APP: variants seen among roughly 807,000 people sequenced by gnomAD.
APP encodes the protein amyloid-beta precursor protein.
A neutral mutation model predicts 101.4 loss-of-function variants in APP; 31 were observed. The ratio of observed to expected loss-of-function variants is 0.31; its 90% confidence interval spans 0.23 to 0.41. The LOEUF (loss-of-function observed/expected upper bound fraction) is 0.41, where lower values mean the gene tolerates loss of function less well. Ranked by LOEUF, APP falls within the 10% of genes least tolerant of loss-of-function variation. The pLI, the probability that APP is intolerant of heterozygous loss-of-function variation, is 1.00. For synonymous variants in APP, 366 were observed against 364.4 expected (o/e 1.00, Z -0.05); for missense variants, 839 against 1,003.7 (o/e 0.84, Z 2.22).
chr21:25,884,299 CCAATGACAGACCT>C (rs2037182699), intron 17 of APP, among the ~76,000 whole-genome samples: 1 of 152,178 alleles, frequency 6.6e-6, no homozygotes, highest in African/African-American at 2.4e-5. Flanking sequence ...TCAGCTTACT[CCAATGACAGACCT>C]AGGCATCTCC....
At chr21:26,001,929 C>G (rs2146686615) in intron 6 of APP, among the ~76,000 whole-genome samples, 3 of 48,962 alleles carry the variant, frequency 6.1e-5, no homozygotes, top group Middle Eastern at 0.027. Flanking sequence ...AGACCCAATT[C>G]ACTTTTAATA....
At chr21:26,053,095 G>C (rs2045901972) in intron 4 of APP, 141 bp downstream of exon 4, 2 of 730,032 alleles carry the variant, frequency 2.7e-6, no homozygotes, top group Non-Finnish European at 4.9e-6. Flanking sequence ...ACTAAAATCT[G>C]GGTTACGGAT....
intron 3 of APP, among the ~76,000 whole-genome samples, chr21:26,076,613 T>C (rs888692389): frequency 6.6e-6 from 1 of 152,216 alleles, no homozygotes; most frequent in African/African-American, 2.4e-5. Context: ...ATTTTATATT[T>C]GTATAATCTT....
At chr21:26,166,829 A>G (rs1248779329) in intron 1 of APP, among the ~76,000 whole-genome samples, 1 of 148,774 alleles carries the variant, frequency 6.7e-6, no homozygotes, top group African/African-American at 2.5e-5. Flanking sequence ...CAAATTCCCT[A>G]CTCCTGTTGA....
chr21:26,118,726 T>C (rs2062493365), intron 1 of APP, among the ~76,000 whole-genome samples: 1 of 152,092 alleles, frequency 6.6e-6, no homozygotes, highest in South Asian at 2.1e-4. Context: ...CTAATTTTTG[T>C]ATTTTTTAGT....
At chr21:25,902,873 G>T (rs759927988) in intron 15 of APP, among the ~76,000 whole-genome samples, 73 of 152,082 alleles carry the variant, frequency 4.8e-4, no homozygotes, top group Non-Finnish European at 8.8e-4. Flanking sequence ...TTCAAACCTA[G>T]AAAGAATTTA....
chr21:25,954,744 C>A, intron 12 of APP, 55 bp from the exon 13 acceptor site: 1 of 1,417,260 alleles, frequency 7.1e-7, no homozygotes, highest in Non-Finnish European at 9.9e-7. Context: ...AGGAATGGTT[C>A]TTTTTCTTTC....
chr21:25,977,239 A>T (rs2042257684), intron 9 of APP, among the ~76,000 whole-genome samples: 1 of 152,246 alleles, frequency 6.6e-6, no homozygotes. Context: ...CAAAGAAAAT[A>T]TTAACTTCCT....
intron 4 of APP, among the ~76,000 whole-genome samples, chr21:26,052,405 G>A (rs1327613326): frequency 6.6e-6 from 1 of 152,146 alleles, no homozygotes; most frequent in African/African-American, 2.4e-5. Context: ...CTCAAGTGAA[G>A]CACTATGAGC....
intron 13 of APP, among the ~76,000 whole-genome samples, chr21:25,925,316 T>C (rs752201361): frequency 3.0e-4 from 45 of 152,248 alleles, no homozygotes; most frequent in Non-Finnish European, 4.7e-4. Flanking sequence ...CATCTCTCCA[T>C]GGCCTCTGAA....
intron 9 of APP, among the ~76,000 whole-genome samples, chr21:25,979,615 G>T (rs1473570714): frequency 6.6e-6 from 1 of 152,072 alleles, no homozygotes; most frequent in Admixed American, 6.6e-5. Flanking sequence ...TATATCTGAT[G>T]ACTAAAAGAT....
chr21:26,018,651 A>C (rs535258451), intron 6 of APP, among the ~76,000 whole-genome samples: 1 of 152,308 alleles, frequency 6.6e-6, no homozygotes, highest in East Asian at 1.9e-4. Context: ...ACTTGCCTCA[A>C]TTAGAGCTTT....
intron 16 of APP, among the ~76,000 whole-genome samples, chr21:25,897,247 G>C (rs2038120329): frequency 6.6e-6 from 1 of 152,012 alleles, no homozygotes; most frequent in South Asian, 2.1e-4. Context: ...CCAGCAGCTG[G>C]GACTACAGGT....
At chr21:26,147,581 TTTC>T (rs759763343) in intron 1 of APP, among the ~76,000 whole-genome samples, 3 of 150,580 alleles carry the variant, frequency 2.0e-5, no homozygotes, top group Non-Finnish European at 4.4e-5. Flanking sequence ...TTGTCTACAG[TTTC>T]TTAAGAAGAT....
Position 25,884,872 on chromosome 21 carries a change from A to G in APP, c.2212-3101T>C, listed in dbSNP as rs143011941. Among the ~76,000 whole-genome samples, 303 of 152,334 alleles carry G rather than the reference A, an allele frequency of 2.0e-3. 1 individual carries two copies. Among genetic ancestry groups the G allele is most frequent in the Middle Eastern group, 0.014 (4 of 294 alleles). On this transcript the variant is annotated intron_variant, in intron 17 of 17. Coordinates refer to ENST00000346798, the MANE Select transcript of APP (RefSeq NM_000484.4). Reference sequence around the variant, plus strand: ...TTGCATGCATCAAGGGCAGGGGAACACCTGGCAATTTGATAGGTTTATCTC... The same window carrying G: ...TTGCATGCATCAAGGGCAGGGGAACGCCTGGCAATTTGATAGGTTTATCTC...
intron 17 of APP, among the ~76,000 whole-genome samples, chr21:25,887,817 G>A (rs55786322): frequency 0.38 from 57,427 of 151,978 alleles, 11,024 homozygotes; most frequent in South Asian, 0.44. Context: ...TGTGTAGCAG[G>A]CTATACCATC....
upstream of APP, chr21:26,170,772 G>A: frequency 1.2e-6 from 1 of 812,146 alleles, no homozygotes; most frequent in Non-Finnish European, 1.8e-6. Context: ...GAAACTGACG[G>A]AGCCCGAGCG....
At chr21:26,157,341 A>G (rs2063397083) in intron 1 of APP, among the ~76,000 whole-genome samples, 1 of 152,220 alleles carries the variant, frequency 6.6e-6, no homozygotes, top group Non-Finnish European at 1.5e-5. Flanking sequence ...AAGTGCTGGG[A>G]TTACAGGTGT....
intron 3 of APP, among the ~76,000 whole-genome samples, chr21:26,058,853 G>A (rs989741533): frequency 2.6e-5 from 4 of 152,070 alleles, no homozygotes; most frequent in South Asian, 2.1e-4. Context: ...AGGCCGAGGC[G>A]GGCGGATCAC....
Sources: allele counts gnomAD v4.1 joint callset (sites outside exome capture counted in the v4.1 genomes callset), GRCh38; gene constraint gnomAD v4.1.1; transcripts MANE v1.5; gene names NCBI Gene and HGNC (gene_info 2026-07-23, HGNC 2026-07-21).